The following PDE10A variants were observed in gnomAD, a reference collection of about 807,000 sequenced individuals.
PDE10A encodes the protein phosphodiesterase 10A, also known as cAMP and cAMP-inhibited cGMP 3',5'-cyclic phosphodiesterase 10A.
PDE10A carries 39 observed loss-of-function variants against 97.7 expected under a neutral mutation model. The observed-to-expected ratio is 0.40, with a 90% CI of 0.31 to 0.52. The LOEUF (loss-of-function observed/expected upper bound fraction) is 0.52. Ranked by LOEUF, PDE10A falls within the 20% of genes least tolerant of loss-of-function variation. The probability of loss-of-function intolerance (pLI) is 0.56; values close to 1 mark genes in which losing one functional copy is unlikely to be tolerated. For synonymous variants in PDE10A, 371 were observed against 376.8 expected (o/e 0.98, Z 0.18); for missense variants, 731 against 1,047.8 (o/e 0.70, Z 4.17).
intron 1 of PDE10A, among the ~76,000 whole-genome samples, chr6:165,600,460 T>G (rs111882153): frequency 8.9e-4 from 135 of 152,352 alleles, no homozygotes; most frequent in African/African-American, 3.0e-3. Flanking sequence ...AACCAAATTG[T>G]GTGTGTGTGG....
chr6:165,501,562 G>A (rs1562525777), intron 2 of PDE10A, among the ~76,000 whole-genome samples: 1 of 148,316 alleles, frequency 6.7e-6, no homozygotes, highest in Non-Finnish European at 1.5e-5. Flanking sequence ...GAAAGGGCGA[G>A]ACTCCGTCTC....
chr6:165,636,299 A>C (rs948479005), intron 1 of PDE10A, among the ~76,000 whole-genome samples: 2 of 152,002 alleles, frequency 1.3e-5, no homozygotes, highest in Non-Finnish European at 2.9e-5. Context: ...AATCCCTCCC[A>C]TACACACACA....
chr6:165,600,036 C>A (rs1786844923), intron 1 of PDE10A, among the ~76,000 whole-genome samples: 1 of 152,206 alleles, frequency 6.6e-6, no homozygotes, highest in Non-Finnish European at 1.5e-5. Context: ...TCCGGGGCCA[C>A]TGACATCACA....
chr6:165,901,835 T>G (rs543455726), intron 1 of PDE10A, among the ~76,000 whole-genome samples: 2 of 146,872 alleles, frequency 1.4e-5, no homozygotes, highest in South Asian at 4.4e-4. Context: ...TTTTCTCATT[T>G]TCTTTGTTCT....
At chr6:165,964,766 T>C (rs541854961) in intron 1 of PDE10A, among the ~76,000 whole-genome samples, 1 of 152,288 alleles carries the variant, frequency 6.6e-6, no homozygotes, top group South Asian at 2.1e-4. Flanking sequence ...TCCTTAAACA[T>C]TGTTTTGGCT....
At chr6:165,590,550 C>T (rs1477714997) in intron 1 of PDE10A, among the ~76,000 whole-genome samples, 2 of 152,168 alleles carry the variant, frequency 1.3e-5, no homozygotes, top group African/African-American at 4.8e-5. Flanking sequence ...CTCCTTTGTA[C>T]TTCATGTAAT....
At chr6:165,796,530 G>A (rs1451739461) in intron 1 of PDE10A, among the ~76,000 whole-genome samples, 1 of 152,152 alleles carries the variant, frequency 6.6e-6, no homozygotes, top group Non-Finnish European at 1.5e-5. Context: ...ACATTTGGGG[G>A]ATGTATATAA....
chr6:165,386,152 C>T (rs187589981), intron 17 of PDE10A, among the ~76,000 whole-genome samples: 7 of 152,126 alleles, frequency 4.6e-5, no homozygotes, highest in Admixed American at 1.3e-4. Context: ...AGCCCCACAT[C>T]GCGGAGGGTT....
At chr6:165,381,776 C>T (rs549178786) in intron 17 of PDE10A, among the ~76,000 whole-genome samples, 4 of 151,792 alleles carry the variant, frequency 2.6e-5, no homozygotes, top group Admixed American at 6.6e-5. Context: ...CCACCGCGCC[C>T]GGCCACGTCT....
intron 1 of PDE10A, among the ~76,000 whole-genome samples, chr6:165,880,572 TTTTCTACCCAAA>T (rs1454971783): frequency 3.9e-5 from 6 of 152,228 alleles, no homozygotes; most frequent in African/African-American, 7.2e-5. Flanking sequence ...AACCATACAT[TTTTCTACCCAAA>T]TGAGCCCTTA....
At chr6:165,979,769 G>A (rs1337512063) in intron 1 of PDE10A, among the ~76,000 whole-genome samples, 3 of 152,180 alleles carry the variant, frequency 2.0e-5, no homozygotes, top group African/African-American at 7.2e-5. Context: ...GAGGAATCTC[G>A]AAATATATAA....
chr6:165,771,897 G>A lies in PDE10A; in HGVS notation c.-615+215632C>T, dbSNP rs1023513032. Among the ~76,000 whole-genome samples the A allele has an allele frequency of 5.5e-4, 83 of 152,098 alleles. 4 individuals are homozygous for A. The highest frequency in any genetic ancestry group is 1.5e-5 in the Non-Finnish European group (1 of 67,996). On this transcript the variant is annotated intron_variant, in intron 1 of 19. Transcript: ENST00000366882. ...GTGTGATGCAGAGCTGGCTGCATGA[G>A]GGGAAGACAGGCCAGAGAGACCGGG...
chr6:165,346,025 GA>G (rs1410479138), intron 18 of PDE10A, among the ~76,000 whole-genome samples: 1 of 152,228 alleles, frequency 6.6e-6, no homozygotes, highest in African/African-American at 2.4e-5. Context: ...GCGACACAGT[GA>G]ATGAAGTGAA....
At chr6:165,622,157 G>A (rs1583663982) in intron 1 of PDE10A, among the ~76,000 whole-genome samples, 1 of 152,110 alleles carries the variant, frequency 6.6e-6, no homozygotes, top group South Asian at 2.1e-4. Flanking sequence ...TCACACTCAC[G>A]GCTGCAGCAC....
chr6:165,806,587 A>G (rs1779147054), intron 1 of PDE10A, among the ~76,000 whole-genome samples: 1 of 151,946 alleles, frequency 6.6e-6, no homozygotes. Flanking sequence ...CTTCCTGTGC[A>G]CGGACTCTCC....
chr6:165,839,886 T>A (rs543891565), intron 1 of PDE10A, among the ~76,000 whole-genome samples: 54 of 14,760 alleles, frequency 3.7e-3, no homozygotes, highest in East Asian at 0.019. Context: ...CACCTCTGTC[T>A]CCATCCCCAT....
chr6:165,843,598 C>T (rs1448336458), intron 1 of PDE10A, among the ~76,000 whole-genome samples: 3 of 152,150 alleles, frequency 2.0e-5, no homozygotes, highest in Non-Finnish European at 4.4e-5. Context: ...AGCCTCCTTT[C>T]CACGGACACC....
intron 18 of PDE10A, among the ~76,000 whole-genome samples, chr6:165,356,939 C>A (rs912007865): frequency 2.8e-4 from 42 of 152,044 alleles, no homozygotes; most frequent in African/African-American, 9.2e-4. Flanking sequence ...CTGGCTAGGA[C>A]CTCCAATTCA....
intron 1 of PDE10A, among the ~76,000 whole-genome samples, chr6:165,710,964 G>C (rs1207563998): frequency 2.0e-5 from 3 of 152,222 alleles, no homozygotes; most frequent in Non-Finnish European, 4.4e-5. Flanking sequence ...AGAATGCCAG[G>C]AAGGGCAGAC....
Sources: gnomAD v4.1 joint callset for allele counts (sites outside exome capture counted in the v4.1 genomes callset) on GRCh38, gnomAD v4.1.1 for gene constraint, MANE v1.5 for transcripts, NCBI Gene and HGNC (gene_info 2026-07-23, HGNC 2026-07-21) for gene names.